Variants in TLE4 observed in about 807,000 individuals in gnomAD.
TLE4 encodes the protein TLE family member 4, transcriptional corepressor.
A neutral mutation model predicts 92.8 loss-of-function variants in TLE4; 8 were observed. The ratio of observed to expected loss-of-function variants is 0.09; its 90% CI spans 0.05 to 0.16. TLE4 has a LOEUF of 0.16. Ranked by LOEUF, TLE4 falls within the 10% of genes least tolerant of loss-of-function variation. The pLI, the probability that TLE4 is intolerant of heterozygous loss-of-function variation, is 1.00. For missense variants in TLE4, 675 were observed against 997.6 expected, an observed-to-expected ratio of 0.68 and a Z score of 4.36; for synonymous variants, 371 against 374.1, an observed-to-expected ratio of 0.99 and a Z score of 0.10.
intron 4 of TLE4, among the ~76,000 whole-genome samples, chr9:79,577,926 T>G (rs2038411962): frequency 6.6e-6 from 1 of 152,196 alleles, no homozygotes; most frequent in East Asian, 1.9e-4. Context: ...TGTCATCTTC[T>G]TGTCCAGCTA....
rs894495301 is a variant in TLE4 at position 79,573,462 on chromosome 9, C to G, written c.46-227C>G. 5.7e-6 allele frequency: 6 copies of G among 1,059,860 alleles called. No homozygotes were observed. The East Asian group carries it at 1.4e-4, about 24-fold the overall frequency. 65.7% of individuals were successfully genotyped at this position (1,059,860 alleles called of 1,614,324 possible). On this transcript the variant is annotated intron_variant, in intron 1 of 19. Transcript: ENST00000376552. Reference sequence around the variant, plus strand: ...GGACTCGAACCCTCGGGGTCCGGGGCGCGGGGGCCTGCGGGCGGGAGTATG... The same window carrying G: ...GGACTCGAACCCTCGGGGTCCGGGGGGCGGGGGCCTGCGGGCGGGAGTATG...
intron 5 of TLE4, among the ~76,000 whole-genome samples, chr9:79,618,098 C>G (rs1018870361): frequency 2.6e-5 from 4 of 152,186 alleles, no homozygotes; most frequent in African/African-American, 9.6e-5. Flanking sequence ...AAGGGAGATA[C>G]AGAAATGTAG....
chr9:79,641,800 T>C (rs1269351434), intron 6 of TLE4, among the ~76,000 whole-genome samples: 1 of 152,170 alleles, frequency 6.6e-6, no homozygotes, highest in Non-Finnish European at 1.5e-5. Flanking sequence ...GGGCTTGTGC[T>C]CCATTTCTTG....
In TLE4 at chr9:79,602,003, T is replaced by G. The variant is rs75000143; in HGVS notation, c.253-10653T>G. 3.9e-5 allele frequency among the ~76,000 whole-genome samples: 6 copies of G among 152,324 alleles called. No individual in the cohort carries two copies. The East Asian group carries it at 9.6e-4, about 24-fold the overall frequency. On this transcript the variant is annotated intron_variant, in intron 4 of 19. Coordinates refer to ENST00000376552, the MANE Select transcript of TLE4 (RefSeq NM_007005.6). ...ATTGCTGAAATAGGGATAGTTTTAG[T>G]GGTCTGGATAGAAGCTCAAACCAGC...
intron 6 of TLE4, among the ~76,000 whole-genome samples, chr9:79,630,467 C>T (rs1429020334): frequency 6.6e-6 from 1 of 152,108 alleles, no homozygotes; most frequent in Non-Finnish European, 1.5e-5. Flanking sequence ...GTGTTGGTTT[C>T]CCATCGTTGA....
At chr9:79,597,701 C>G (rs2044369749) in intron 4 of TLE4, among the ~76,000 whole-genome samples, 1 of 152,174 alleles carries the variant, frequency 6.6e-6, no homozygotes, top group Admixed American at 6.5e-5. Flanking sequence ...TCATTAGCCA[C>G]ACCCAGTCAA....
chr9:79,711,016 C>T (rs1004260179), intron 14 of TLE4, among the ~76,000 whole-genome samples: 28 of 152,342 alleles, frequency 1.8e-4, no homozygotes, highest in African/African-American at 6.3e-4. Context: ...AGTTTTCACC[C>T]TGGTGTTAAT....
chr9:79,625,526 A>G (rs567286288), intron 5 of TLE4, among the ~76,000 whole-genome samples: 2 of 152,246 alleles, frequency 1.3e-5, no homozygotes, highest in South Asian at 2.1e-4. Flanking sequence ...AGTATAGGAA[A>G]GTAAAAGGTG....
intron 14 of TLE4, among the ~76,000 whole-genome samples, chr9:79,711,514 C>CT (rs946595278): frequency 1.3e-5 from 2 of 151,858 alleles, no homozygotes; most frequent in Non-Finnish European, 2.9e-5. Context: ...AGTACTATCC[C>CT]TTTTTTTTGG....
At chr9:79,586,647 A>G (rs888450230) in intron 4 of TLE4, among the ~76,000 whole-genome samples, 1 of 152,200 alleles carries the variant, frequency 6.6e-6, no homozygotes, top group Non-Finnish European at 1.5e-5. Context: ...TAGGGAAGAT[A>G]AATTCATTGT....
chr9:79,657,119 C>T (rs2059892621), intron 8 of TLE4, among the ~76,000 whole-genome samples: 1 of 152,134 alleles, frequency 6.6e-6, no homozygotes, highest in South Asian at 2.1e-4. Context: ...GAAACTAGAC[C>T]AGTGTGTGTT....
intron 8 of TLE4, among the ~76,000 whole-genome samples, chr9:79,665,574 A>G (rs1276159251): frequency 1.3e-5 from 2 of 152,252 alleles, no homozygotes; most frequent in African/African-American, 4.8e-5. Context: ...GCTGATGTGC[A>G]AATGCATGCA....
intron 7 of TLE4, among the ~76,000 whole-genome samples, chr9:79,653,448 A>G (rs971073100): frequency 6.6e-6 from 1 of 152,188 alleles, no homozygotes; most frequent in Non-Finnish European, 1.5e-5. Context: ...TTCCTCCACT[A>G]AGGTAGATGA....
intron 4 of TLE4, among the ~76,000 whole-genome samples, chr9:79,582,401 T>G (rs761456237): frequency 6.6e-6 from 1 of 152,200 alleles, no homozygotes; most frequent in Non-Finnish European, 1.5e-5. Flanking sequence ...TGTGTAGGAA[T>G]GATGGACCGG....
chr9:79,647,347 T>C (rs1372316032), intron 6 of TLE4, among the ~76,000 whole-genome samples: 2 of 152,114 alleles, frequency 1.3e-5, no homozygotes, highest in Non-Finnish European at 2.9e-5. Context: ...TCAGGGAAAG[T>C]TTAGTGGTAG....
At chr9:79,722,311 C>A in intron 17 of TLE4, 140 bp from the exon 18 acceptor site, 1 of 1,019,350 alleles carries the variant, frequency 9.8e-7, no homozygotes, top group Non-Finnish European at 1.4e-6. Context: ...GCCCATTTGA[C>A]TTTGGTTCTC....
chr9:79,694,060 C>T (rs150862751), intron 8 of TLE4, among the ~76,000 whole-genome samples: 60 of 152,232 alleles, frequency 3.9e-4, no homozygotes, highest in East Asian at 3.7e-3. Flanking sequence ...ACCTCTTTAG[C>T]CCACAGTGCC....
At chr9:79,703,093 A>G (rs1331939502) in intron 8 of TLE4, among the ~76,000 whole-genome samples, 1 of 152,094 alleles carries the variant, frequency 6.6e-6, no homozygotes, top group African/African-American at 2.4e-5. Context: ...TTAGTCTTAT[A>G]TGAAATAAAT....
In TLE4 at chr9:79,697,642, C is replaced by G. The variant is rs560429121; in HGVS notation, c.610-7141C>G. On this transcript the variant is annotated intron_variant, in intron 8 of 19. Coordinates refer to ENST00000376552, the MANE Select transcript of TLE4 (RefSeq NM_007005.6). ...ATAGCTTTATTCCAGGAAGAGGAAGCAACAGTGAAGAAACCCCCGAGAGGA... is the reference window on the plus strand; with the variant it reads ...ATAGCTTTATTCCAGGAAGAGGAAGGAACAGTGAAGAAACCCCCGAGAGGA... 5.3e-5 allele frequency among the ~76,000 whole-genome samples: 8 copies of G among 151,674 alleles called. No homozygotes were observed. In the East Asian group the frequency reaches 1.4e-3, roughly 26 times the overall value.
Sources: allele counts gnomAD v4.1 joint callset (sites outside exome capture counted in the v4.1 genomes callset), GRCh38; gene constraint gnomAD v4.1.1; transcripts MANE v1.5; gene names NCBI Gene and HGNC (gene_info 2026-07-23, HGNC 2026-07-21).